Variants in PPHLN1 observed in about 807,000 individuals in gnomAD.
PPHLN1 encodes periphilin-1.
Under a neutral mutation model 51.3 loss-of-function variants are expected in PPHLN1, and 29 were observed. That is an observed-to-expected ratio of 0.57 (90% CI 0.42 to 0.77). The LOEUF is 0.77. PPHLN1 is among the 30% of genes least tolerant of loss of function. The probability of loss-of-function intolerance (pLI) is 0.00; values close to 1 mark genes in which losing one functional copy is unlikely to be tolerated. For synonymous variants in PPHLN1, 147 were observed against 147.8 expected (o/e 0.99, Z 0.04); for missense variants, 436 against 438.4 (o/e 0.99, Z 0.05).
At chr12:42,410,649 T>A (rs1206092482) in intron 9 of PPHLN1, among the ~76,000 whole-genome samples, 1 of 152,208 alleles carries the variant, frequency 6.6e-6, no homozygotes, top group Non-Finnish European at 1.5e-5. Context: ...AAGATAAATA[T>A]TACAGTGAGT....
At chr12:42,371,240 C>G (rs1023868540) in intron 4 of PPHLN1, among the ~76,000 whole-genome samples, 1 of 151,454 alleles carries the variant, frequency 6.6e-6, no homozygotes, top group Non-Finnish European at 1.5e-5. Context: ...CCGCCTCAGC[C>G]CCCTGAATAG....
chr12:42,430,325 G>A (rs546196968), intron 9 of PPHLN1, among the ~76,000 whole-genome samples: 1 of 151,494 alleles, frequency 6.6e-6, no homozygotes, highest in African/African-American at 2.4e-5. Context: ...AACAACTCAG[G>A]GATTTGTGAT....
At chr12:42,400,650 T>G (rs544847828) in intron 9 of PPHLN1, among the ~76,000 whole-genome samples, 5 of 152,058 alleles carry the variant, frequency 3.3e-5, no homozygotes, top group Admixed American at 3.3e-4. Context: ...GCTGGAATTA[T>G]AGGTGTGAGC....
chr12:42,360,088 G>T (rs1421195788), intron 4 of PPHLN1, among the ~76,000 whole-genome samples: 1 of 128,370 alleles, frequency 7.8e-6, no homozygotes, highest in Non-Finnish European at 1.6e-5. Context: ...TCCAGCCTGG[G>T]TGACAGAGCA....
chr12:42,379,767 G>A (rs576026631), intron 5 of PPHLN1, among the ~76,000 whole-genome samples: 2 of 151,906 alleles, frequency 1.3e-5, no homozygotes, highest in African/African-American at 4.8e-5. Context: ...GGCTTATTCT[G>A]TTTTATAGAA....
At chr12:42,343,352 A>AT (rs2071772714) in intron 2 of PPHLN1, among the ~76,000 whole-genome samples, 1 of 152,152 alleles carries the variant, frequency 6.6e-6, no homozygotes, top group Non-Finnish European at 1.5e-5. Context: ...ACTTCCCAAT[A>AT]TTTTATTATG....
chr12:42,387,337 A>G, intron 6 of PPHLN1, 119 bp from the exon 7 acceptor site: 8 of 1,034,928 alleles, frequency 7.7e-6, no homozygotes, highest in Non-Finnish European at 1.1e-5. Context: ...GTAATAATGT[A>G]ATGAAAAGTT....
chr12:42,411,156 CTT>C (rs1565970002), intron 9 of PPHLN1, among the ~76,000 whole-genome samples: 1 of 151,768 alleles, frequency 6.6e-6, no homozygotes, highest in Non-Finnish European at 1.5e-5. Context: ...TTTCCTTACA[CTT>C]TTTTGTTTCT....
At chr12:42,331,659 G>A (rs561287480) in intron 1 of PPHLN1, 1 of 152,200 alleles carries the variant, frequency 6.6e-6, no homozygotes, top group Non-Finnish European at 1.5e-5. Flanking sequence ...CCAGTTATTA[G>A]CGCACTTCTG....
intron 5 of PPHLN1, among the ~76,000 whole-genome samples, chr12:42,383,302 G>A (rs2076914309): frequency 6.6e-6 from 1 of 152,152 alleles, no homozygotes; most frequent in African/African-American, 2.4e-5. Context: ...TGGAGTAACT[G>A]AACACAAAGT....
chr12:42,360,110 CAA>C (rs10643805), intron 4 of PPHLN1, among the ~76,000 whole-genome samples: 9 of 123,096 alleles, frequency 7.3e-5, no homozygotes, highest in Non-Finnish European at 3.3e-5. Context: ...GACTCCATCT[CAA>C]AAAAAAAAAA....
chr12:42,335,859 CA>C (rs771505564), intron 1 of PPHLN1, 23 bp from the exon 2 acceptor site: 6 of 1,411,994 alleles, frequency 4.2e-6, no homozygotes, highest in Non-Finnish European at 5.8e-6. Context: ...GTATAAAATC[CA>C]TAATTCTTTT....
At chr12:42,383,357 TG>T (rs1398511848) in intron 5 of PPHLN1, among the ~76,000 whole-genome samples, 4 of 152,254 alleles carry the variant, frequency 2.6e-5, no homozygotes, top group African/African-American at 9.6e-5. Flanking sequence ...TAATATGAAT[TG>T]GCCTAAGGCT....
intron 4 of PPHLN1, 54 bp downstream of exon 4, chr12:42,355,276 G>A: frequency 6.9e-7 from 1 of 1,457,446 alleles, no homozygotes; most frequent in Admixed American, 1.7e-5. Flanking sequence ...TCACTGTGAT[G>A]TCTGCTTTGG....
chr12:42,404,891 G>A (rs908528606), intron 9 of PPHLN1, among the ~76,000 whole-genome samples: 2 of 152,058 alleles, frequency 1.3e-5, no homozygotes, highest in Non-Finnish European at 2.9e-5. Context: ...GCCGGGCGTG[G>A]TGGCCCATGC....
chr12:42,344,065 G>A (rs2071900168), intron 2 of PPHLN1, among the ~76,000 whole-genome samples: 1 of 152,150 alleles, frequency 6.6e-6, no homozygotes, highest in Non-Finnish European at 1.5e-5. Context: ...TCTGTAAAAA[G>A]CATGTGATGC....
downstream of PPHLN1, chr12:42,448,250 A>G (rs7956485): frequency 0.2 from 30,385 of 152,652 alleles, 3,424 homozygotes; most frequent in African/African-American, 0.3. Context: ...AGGTACAACA[A>G]ATAATTTCTT....
chr12:42,389,255 C>T (rs1214522979), intron 7 of PPHLN1, among the ~76,000 whole-genome samples: 1 of 152,198 alleles, frequency 6.6e-6, no homozygotes, highest in Non-Finnish European at 1.5e-5. Context: ...CGCCTGTAGT[C>T]CCAGCTACGT....
intron 1 of PPHLN1, among the ~76,000 whole-genome samples, chr12:42,330,656 G>C (rs1436288419): frequency 6.6e-6 from 1 of 152,212 alleles, no homozygotes; most frequent in Non-Finnish European, 1.5e-5. Context: ...TAAAGTTACA[G>C]ATTAACAGCA....
Sources: gnomAD v4.1 joint callset for allele counts (sites outside exome capture counted in the v4.1 genomes callset) on GRCh38, gnomAD v4.1.1 for gene constraint, MANE v1.5 for transcripts, NCBI Gene and HGNC (gene_info 2026-07-23, HGNC 2026-07-21) for gene names.